The following TENM2 variants were observed in gnomAD, a reference collection of about 807,000 sequenced individuals.
TENM2 encodes the protein teneurin-2.
Under a neutral mutation model 245.2 loss-of-function variants are expected in TENM2, and 52 were observed. That is an observed-to-expected ratio of 0.21 (90% CI 0.17 to 0.27). The LOEUF is 0.27. Ranked by LOEUF, TENM2 falls within the 10% of genes least tolerant of loss-of-function variation. The probability of loss-of-function intolerance (pLI) is 1.00; values close to 1 mark genes in which losing one functional copy is unlikely to be tolerated. For missense variants in TENM2, 3,046 were observed against 3,666.8 expected (o/e 0.83, Z 4.37); for synonymous variants, 1,363 against 1,438.9 (o/e 0.95, Z 1.19).
intron 5 of TENM2, among the ~76,000 whole-genome samples, chr5:168,012,597 A>G (rs1434894212): frequency 2.0e-5 from 3 of 150,096 alleles, no homozygotes; most frequent in Non-Finnish European, 4.4e-5. Flanking sequence ...GCCATGAGCC[A>G]TGATCATGCC....
chr5:167,747,375 G>A (rs143195707), intron 2 of TENM2, among the ~76,000 whole-genome samples: 2 of 152,080 alleles, frequency 1.3e-5, no homozygotes, highest in African/African-American at 2.4e-5. Flanking sequence ...CTCTATCAAG[G>A]CTGGGTAACC....
the TENM2 span, among the ~76,000 whole-genome samples, chr5:167,258,803 A>G: frequency 6.6e-6 from 1 of 152,210 alleles, no homozygotes; most frequent in South Asian, 2.1e-4. Flanking sequence ...GGCTTTGCAC[A>G]TAGGATCATT....
intron 2 of TENM2, among the ~76,000 whole-genome samples, chr5:167,625,844 A>G (rs1396794087): frequency 6.6e-6 from 1 of 152,204 alleles, no homozygotes; most frequent in African/African-American, 2.4e-5. Context: ...TAGCTTAATT[A>G]AAATGACTGG....
chr5:167,741,951 G>A (rs1761205166), intron 2 of TENM2, among the ~76,000 whole-genome samples: 1 of 152,128 alleles, frequency 6.6e-6, no homozygotes, highest in African/African-American at 2.4e-5. Flanking sequence ...TTGATTGGAT[G>A]CAGGAACAAT....
intron 2 of TENM2, among the ~76,000 whole-genome samples, chr5:167,533,717 C>G (rs777404817): frequency 6.6e-6 from 1 of 152,080 alleles, no homozygotes; most frequent in Non-Finnish European, 1.5e-5. Context: ...ACTTCAGCCT[C>G]CCAAAGTGCT....
At chr5:167,509,978 A>G (rs1340780408) in intron 2 of TENM2, among the ~76,000 whole-genome samples, 1 of 152,220 alleles carries the variant, frequency 6.6e-6, no homozygotes, top group Non-Finnish European at 1.5e-5. Flanking sequence ...AAAGAATGAT[A>G]TGTAGCTATC....
At chr5:167,161,788 G>A in the TENM2 span, among the ~76,000 whole-genome samples, 2 of 152,140 alleles carry the variant, frequency 1.3e-5, no homozygotes, top group Non-Finnish European at 2.9e-5. Context: ...TGCAAGAGCT[G>A]GGTGGATGAG....
chr5:167,893,295 T>A (rs1774909486), intron 3 of TENM2, among the ~76,000 whole-genome samples: 1 of 152,202 alleles, frequency 6.6e-6, no homozygotes, highest in Non-Finnish European at 1.5e-5. Context: ...ATGGTCTTAC[T>A]CCCTCCAAAA....
intron 2 of TENM2, among the ~76,000 whole-genome samples, chr5:167,561,539 A>G (rs899121659): frequency 5.9e-5 from 9 of 152,174 alleles, no homozygotes; most frequent in Non-Finnish European, 8.8e-5. Context: ...AGCAAAATAA[A>G]TGTCCTTACA....
intron 19 of TENM2, among the ~76,000 whole-genome samples, chr5:168,210,800 CA>C (rs1311372232): frequency 6.6e-6 from 1 of 152,098 alleles, no homozygotes; most frequent in Non-Finnish European, 1.5e-5. Context: ...AAAGAGGGGT[CA>C]GGGGTTTCTT....
intron 2 of TENM2, among the ~76,000 whole-genome samples, chr5:167,545,433 A>G (rs28503890): frequency 0.07 from 10,586 of 152,238 alleles, 915 homozygotes; most frequent in Admixed American, 0.21. Context: ...GATATTACTC[A>G]GGCACCTGCA....
At chr5:167,762,535 CTGGTT>C (rs1332169992) in intron 2 of TENM2, among the ~76,000 whole-genome samples, 1 of 152,114 alleles carries the variant, frequency 6.6e-6, no homozygotes, top group Admixed American at 6.5e-5. Flanking sequence ...CTGCAGTGCT[CTGGTT>C]GTCAGTTGGC....
chr5:168,115,408 G>GGAAGGAAGGAAGGAAGGAAGGAAA (rs1458782856), intron 9 of TENM2, among the ~76,000 whole-genome samples: 7 of 122,874 alleles, frequency 5.7e-5, no homozygotes. Context: ...AAGGAAGGAA[G>GGAAGGAAGGAAGGAAGGAAGGAAA]GGAAAGGAAA....
intron 19 of TENM2, among the ~76,000 whole-genome samples, chr5:168,208,498 A>G (rs941693590): frequency 6.6e-6 from 1 of 152,222 alleles, no homozygotes; most frequent in Non-Finnish European, 1.5e-5. Context: ...GCCAGCAGAC[A>G]TTGGAAGGAA....
At chr5:167,902,229 G>A (rs1211583984) in intron 3 of TENM2, among the ~76,000 whole-genome samples, 1 of 152,162 alleles carries the variant, frequency 6.6e-6, no homozygotes, top group African/African-American at 2.4e-5. Flanking sequence ...CAGTGAGTAT[G>A]AAAGATACCA....
the TENM2 span, among the ~76,000 whole-genome samples, chr5:167,078,408 G>A: frequency 0.013 from 2,020 of 152,068 alleles, 49 homozygotes; most frequent in African/African-American, 0.045. Flanking sequence ...TCTTGGACCC[G>A]GGAAGTGGAG....
At chr5:168,002,423 A>G (rs567715199) in intron 5 of TENM2, among the ~76,000 whole-genome samples, 1 of 152,378 alleles carries the variant, frequency 6.6e-6, no homozygotes, top group African/African-American at 2.4e-5. Flanking sequence ...TGAAGTTTAT[A>G]TTAGACTTGC....
At chr5:167,584,235 A>G in intron 2 of TENM2, among the ~76,000 whole-genome samples, 1 of 152,208 alleles carries the variant, frequency 6.6e-6, no homozygotes, top group East Asian at 1.9e-4. Context: ...TGCACTCCAT[A>G]GAGTGGGAGC....
chr5:168,206,188 T>G (rs1581631420), intron 19 of TENM2, among the ~76,000 whole-genome samples: 1 of 152,160 alleles, frequency 6.6e-6, no homozygotes, highest in Non-Finnish European at 1.5e-5. Flanking sequence ...CATTTGAGAG[T>G]CTCTGAGGCC....
Sources: allele counts gnomAD v4.1 joint callset (sites outside exome capture counted in the v4.1 genomes callset), GRCh38; gene constraint gnomAD v4.1.1; transcripts MANE v1.5; gene names NCBI Gene and HGNC (gene_info 2026-07-23, HGNC 2026-07-21).